The following NCKAP5 variants were observed in gnomAD, a reference collection of about 807,000 sequenced individuals.
The protein encoded by NCKAP5 is NCK associated protein 5.
In NCKAP5, 92 loss-of-function variants were observed where a neutral mutation model predicts 167.0. The observed-to-expected ratio is 0.55, with a 90% CI of 0.47 to 0.66. NCKAP5 has a LOEUF of 0.66. NCKAP5 is among the 30% of genes least tolerant of loss of function. The pLI is 0.00. For synonymous variants in NCKAP5, 891 were observed against 877.4 expected (o/e 1.02, Z -0.27); for missense variants, 2,378 against 2,315.0 (o/e 1.03, Z -0.56).
intron 5 of NCKAP5, among the ~76,000 whole-genome samples, chr2:133,166,532 C>A (rs1041101938): frequency 4.6e-5 from 7 of 152,168 alleles, no homozygotes; most frequent in Non-Finnish European, 7.3e-5. Flanking sequence ...CTTTATGTAA[C>A]TTTTCCCTAT....
chr2:133,168,707 T>G (rs1020899555), intron 5 of NCKAP5, among the ~76,000 whole-genome samples: 1 of 152,182 alleles, frequency 6.6e-6, no homozygotes, highest in Admixed American at 6.5e-5. Context: ...AGAGAAAATA[T>G]TTCAGATATA....
chr2:132,972,452 G>A (rs1158151088), intron 7 of NCKAP5, among the ~76,000 whole-genome samples: 15 of 152,108 alleles, frequency 9.9e-5, no homozygotes, highest in African/African-American at 9.7e-5. Flanking sequence ...TAGGCTGGGC[G>A]CGGTGGCTCA....
chr2:133,372,651 T>G (rs997808066), intron 3 of NCKAP5, among the ~76,000 whole-genome samples: 1 of 152,322 alleles, frequency 6.6e-6, no homozygotes, highest in South Asian at 2.1e-4. Context: ...TTGGTAATGC[T>G]TTAAATAAAT....
chr2:133,439,952 A>G (rs1246557819), intron 3 of NCKAP5, among the ~76,000 whole-genome samples: 1 of 152,224 alleles, frequency 6.6e-6, no homozygotes, highest in Non-Finnish European at 1.5e-5. Flanking sequence ...TAGTCTCCAT[A>G]AAATTCTCCC....
intron 6 of NCKAP5, among the ~76,000 whole-genome samples, chr2:133,041,133 C>G (rs1026855006): frequency 1.3e-5 from 2 of 152,114 alleles, no homozygotes; most frequent in Non-Finnish European, 2.9e-5. Context: ...AATGTGTATT[C>G]CACATGGGGT....
At chr2:132,737,004 T>C (rs749825289) in intron 16 of NCKAP5, among the ~76,000 whole-genome samples, 1 of 152,188 alleles carries the variant, frequency 6.6e-6, no homozygotes, top group Non-Finnish European at 1.5e-5. Flanking sequence ...ATGTGCCTTC[T>C]CTCTGTCTCT....
intron 11 of NCKAP5, 22 bp downstream of exon 11, chr2:132,860,470 T>A (rs1192408481): frequency 1.3e-6 from 2 of 1,554,226 alleles, no homozygotes; most frequent in African/African-American, 2.7e-5. Flanking sequence ...TAGCAAAGAT[T>A]GTTTTCCAGA....
At chr2:133,614,458 G>T in the NCKAP5 span, among the ~76,000 whole-genome samples, 1 of 152,056 alleles carries the variant, frequency 6.6e-6, no homozygotes, top group Non-Finnish European at 1.5e-5. Flanking sequence ...GCTTAAAGGA[G>T]CTGATGGAGC....
rs181138180 is a variant in NCKAP5 at position 132,731,781 on chromosome 2, C to T, written c.5399G>A (p.Gly1800Glu). The T allele has an allele frequency of 8.7e-6, 14 of 1,612,870 alleles. No individual in the cohort carries two copies. The highest frequency in any genetic ancestry group is 1.3e-5 in the African/African-American group (1 of 74,994). ...GAGGCGGCTCTGAAGAGGCCTCATC[C>T]CTCTGGCGGTCATGATGGGGTCGGA... Reference protein sequence around the residue: ...STSDPIMTARGMRPLQSRLPK... With the variant: ...STSDPIMTAREMRPLQSRLPK... The change falls in exon 17 of 20, where the codon GGG becomes GAG. Residue 1800 changes from glycine (G) to glutamate (E), a missense_variant. By Grantham distance (98) the Gly-to-Glu change is moderately conservative. Coordinates refer to ENST00000409261, the MANE Select transcript of NCKAP5 (RefSeq NM_207363.3).
At chr2:133,225,201 ACTATATGTAG>A (rs1230693348) in intron 4 of NCKAP5, among the ~76,000 whole-genome samples, 1 of 151,888 alleles carries the variant, frequency 6.6e-6, no homozygotes, top group Non-Finnish European at 1.5e-5. Flanking sequence ...AAACAGATGA[ACTATATGTAG>A]CTTAATATGG....
chr2:133,601,082 T>C, the NCKAP5 span, among the ~76,000 whole-genome samples: 1 of 152,200 alleles, frequency 6.6e-6, no homozygotes, highest in East Asian at 1.9e-4. Context: ...CGCCTTGTCC[T>C]GAAGGTGACG....
At chr2:133,307,152 C>T (rs980923320) in intron 3 of NCKAP5, among the ~76,000 whole-genome samples, 3 of 152,090 alleles carry the variant, frequency 2.0e-5, no homozygotes, top group Admixed American at 6.5e-5. Flanking sequence ...GTTAGAATTA[C>T]GAAACCCACC....
intron 3 of NCKAP5, among the ~76,000 whole-genome samples, chr2:133,399,678 G>A (rs1279588276): frequency 6.6e-6 from 1 of 152,192 alleles, no homozygotes; most frequent in Admixed American, 6.5e-5. Context: ...AATATGTGTA[G>A]GAGAGCTAAT....
intron 6 of NCKAP5, among the ~76,000 whole-genome samples, chr2:133,025,209 G>A (rs1366426149): frequency 2.0e-5 from 3 of 152,050 alleles, no homozygotes; most frequent in Non-Finnish European, 4.4e-5. Flanking sequence ...TTAAAACTAG[G>A]CAACAATCCA....
In NCKAP5 at chr2:132,782,631, C is replaced by T. The variant is rs1015585494; in HGVS notation, c.4180G>A (p.Gly1394Arg). Residue 1394 changes from glycine (G) to arginine (R), a missense_variant, in exon 14 of 20, where the codon GGA becomes AGA. Transcript: ENST00000409261. ...GCCACATTGGCACTGGGGCACTCTC[C>T]CTGGGTGAAGGCCTGCTGGTCTTCC... ...GKEDQQAFTQ[G>R]ECPSANVAVL... 6.2e-6 allele frequency: 10 copies of T among 1,604,390 alleles called. No individual in the cohort carries two copies. Among genetic ancestry groups the T allele is most frequent in the Non-Finnish European group, 8.5e-6 (10 of 1,175,300 alleles).
chr2:133,033,506 T>C (rs1412005051), intron 6 of NCKAP5, among the ~76,000 whole-genome samples: 1 of 152,146 alleles, frequency 6.6e-6, no homozygotes, highest in East Asian at 1.9e-4. Flanking sequence ...CCTCACCAAA[T>C]GAAATAAATA....
chr2:133,421,504 A>G (rs1344691556), intron 3 of NCKAP5, among the ~76,000 whole-genome samples: 3 of 152,200 alleles, frequency 2.0e-5, no homozygotes. Flanking sequence ...AGGGAGAGAG[A>G]TTCAAATAGA....
chr2:133,221,630 A>G (rs1574422225), intron 4 of NCKAP5, among the ~76,000 whole-genome samples: 1 of 152,224 alleles, frequency 6.6e-6, no homozygotes, highest in Non-Finnish European at 1.5e-5. Context: ...AAGACGCAGT[A>G]AGTACAACAC....
At chr2:133,140,407 T>G (rs370735151) in intron 5 of NCKAP5, among the ~76,000 whole-genome samples, 1 of 152,164 alleles carries the variant, frequency 6.6e-6, no homozygotes, top group East Asian at 1.9e-4. Flanking sequence ...TCCACAACAA[T>G]CGGTGAACAA....
Sources: allele counts gnomAD v4.1 joint callset (sites outside exome capture counted in the v4.1 genomes callset), GRCh38; gene constraint gnomAD v4.1.1; transcripts MANE v1.5; gene names NCBI Gene and HGNC (gene_info 2026-07-23, HGNC 2026-07-21).